The following FBXL2 variants were observed in gnomAD, a reference collection of about 807,000 sequenced individuals.
The protein encoded by FBXL2 is F-box and leucine rich repeat protein 2.
A neutral mutation model predicts 69.2 loss-of-function variants in FBXL2; 38 were observed. The observed-to-expected ratio is 0.55, with a 90% CI of 0.42 to 0.72. The LOEUF (loss-of-function observed/expected upper bound fraction) is 0.72, where lower values mean the gene tolerates loss of function less well. FBXL2 is among the 30% of genes least tolerant of loss of function. The pLI, the probability that FBXL2 is intolerant of heterozygous loss-of-function variation, is 0.00. For synonymous variants in FBXL2, 192 were observed against 201.3 expected (o/e 0.95, Z 0.39); for missense variants, 354 against 520.3 (o/e 0.68, Z 3.11).
At chr3:33,335,945 A>T (rs2125840133) in intron 2 of FBXL2, among the ~76,000 whole-genome samples, 1 of 152,310 alleles carries the variant, frequency 6.6e-6, no homozygotes, top group South Asian at 2.1e-4. Context: ...CAAGTTTAAG[A>T]CCTAAAAAAT....
rs1029946217 is a variant in FBXL2, at chr3:33,317,887, GCAT to G, written c.65+20163_65+20165del. Among the ~76,000 whole-genome samples the G allele has an allele frequency of 2.5e-4, 38 of 152,106 alleles. 1 individual carries two copies. Among genetic ancestry groups the G allele is most frequent in the African/African-American group, 8.7e-4 (36 of 41,430 alleles). ...ATGAAACTCAAAGGAAATCATTGGA[GCAT>G]TTTAGATTTCAGATTTTTGGATTAG... On this transcript the variant is annotated intron_variant, in intron 2 of 14. Transcript: ENST00000484457.
chr3:33,329,872 G>A (rs576489761), intron 2 of FBXL2, among the ~76,000 whole-genome samples: 1 of 152,264 alleles, frequency 6.6e-6, no homozygotes, highest in South Asian at 2.1e-4. Context: ...CTACTTGGGA[G>A]GCTGAAGTGG....
intron 2 of FBXL2, chr3:33,303,212 T>C (rs1392596960): frequency 2.2e-6 from 1 of 455,650 alleles, no homozygotes; most frequent in South Asian, 1.6e-5. Flanking sequence ...TAAGCATCTA[T>C]GCAGATTTTC....
chr3:33,364,960 C>A (rs1479498188), intron 5 of FBXL2, among the ~76,000 whole-genome samples: 15 of 152,174 alleles, frequency 9.9e-5, no homozygotes, highest in Admixed American at 8.5e-4. Context: ...GTTCTCTCTT[C>A]TGCAAAGTCA....
intron 1 of FBXL2, among the ~76,000 whole-genome samples, chr3:33,285,616 G>C (rs776647703): frequency 6.6e-6 from 1 of 152,154 alleles, no homozygotes; most frequent in Non-Finnish European, 1.5e-5. Flanking sequence ...TGTTCTCCTG[G>C]ATAATATCCT....
intron 2 of FBXL2, among the ~76,000 whole-genome samples, chr3:33,298,852 A>G (rs1165988863): frequency 2.0e-5 from 3 of 151,970 alleles, no homozygotes; most frequent in African/African-American, 7.3e-5. Context: ...CAACAGCAAC[A>G]GAAACCAGAT....
intron 2 of FBXL2, among the ~76,000 whole-genome samples, chr3:33,351,833 T>G (rs2040847311): frequency 6.6e-6 from 1 of 151,916 alleles, no homozygotes. Flanking sequence ...TAAAACCTGC[T>G]TGGAAAAGCA....
At chr3:33,417,734 T>C in the FBXL2 span, among the ~76,000 whole-genome samples, 1 of 152,228 alleles carries the variant, frequency 6.6e-6, no homozygotes, top group Non-Finnish European at 1.5e-5. Context: ...GACAGTATAA[T>C]TTGGCATGCA....
At chr3:33,289,221 A>T (rs1018750191) in intron 1 of FBXL2, among the ~76,000 whole-genome samples, 1 of 152,236 alleles carries the variant, frequency 6.6e-6, no homozygotes, top group Non-Finnish European at 1.5e-5. Context: ...CCTGTTGTGC[A>T]GCATAAAGAG....
intron 12 of FBXL2, among the ~76,000 whole-genome samples, chr3:33,395,269 T>C (rs1400652377): frequency 6.6e-6 from 1 of 152,074 alleles, no homozygotes; most frequent in Non-Finnish European, 1.5e-5. Context: ...CACAAGACAT[T>C]TTTCAGAGCT....
intron 2 of FBXL2, among the ~76,000 whole-genome samples, chr3:33,315,602 G>C (rs568606526): frequency 9.2e-5 from 14 of 152,074 alleles, no homozygotes; most frequent in Non-Finnish European, 1.9e-4. Context: ...ACTCACTTTG[G>C]TGTTCTTCTG....
chr3:33,359,325 A>G lies in FBXL2; in HGVS notation c.163A>G (p.Ile55Val), dbSNP rs771505197. 10 of 1,612,256 alleles carry G rather than the reference A, an allele frequency of 6.2e-6. No individual in the cohort carries two copies. The highest frequency in any genetic ancestry group is 7.6e-6 in the Non-Finnish European group (9 of 1,178,726). ...CCTGGATGGAAGCAACTGGCAAAGA[A>G]TAGATCTTTTTAACTTTCAAACAGA... Reference protein sequence around the residue: ...LALDGSNWQRIDLFNFQTDVE... With the variant: ...LALDGSNWQRVDLFNFQTDVE... Residue 55 changes from isoleucine to valine, a missense_variant, in exon 4 of 15, where the codon ATA becomes GTA. Physicochemically the swap from Ile to Val is conservative, Grantham distance 29 (BLOSUM62 3). Coordinates refer to ENST00000484457, the MANE Select transcript of FBXL2 (RefSeq NM_012157.5).
At chr3:33,291,114 A>G (rs2035178816) in intron 1 of FBXL2, among the ~76,000 whole-genome samples, 1 of 152,112 alleles carries the variant, frequency 6.6e-6, no homozygotes, top group South Asian at 2.1e-4. Context: ...AATTTTCTGT[A>G]GAGACAGTGT....
At position 33,355,210 on chromosome 3, in the gene FBXL2, A is replaced by G. The variant is rs1235740732; in HGVS notation, c.66-3757A>G. On this transcript the variant is annotated intron_variant, in intron 2 of 14. Transcript: ENST00000484457. ...CTTCCAAAGTGCTGGGATTATAGGC[A>G]TGAGCCACCACTCGCTGCCAAAAAA... is the stretch of plus-strand genomic sequence containing the variant. 2.0e-5 allele frequency among the ~76,000 whole-genome samples: 3 copies of G among 152,196 alleles called. No homozygotes were observed. The East Asian group carries it at 5.8e-4, about 29-fold the overall frequency.
At chr3:33,402,389 T>C (rs372311012) in intron 12 of FBXL2, among the ~76,000 whole-genome samples, 2 of 152,166 alleles carry the variant, frequency 1.3e-5, no homozygotes, top group South Asian at 4.1e-4. Context: ...AGCATATCTA[T>C]TGGGAGAGAA....
chr3:33,289,821 G>T, intron 1 of FBXL2: 5 of 982,804 alleles, frequency 5.1e-6, no homozygotes, highest in Non-Finnish European at 6.0e-6. Context: ...TGAAGGTTGG[G>T]GGCAGGGCAG....
chr3:33,361,216 A>T (rs2041606224), intron 4 of FBXL2, among the ~76,000 whole-genome samples: 1 of 151,136 alleles, frequency 6.6e-6, no homozygotes, highest in African/African-American at 2.4e-5. Context: ...TGAACTTTTA[A>T]AGTCAGGCTG....
downstream of FBXL2, among the ~76,000 whole-genome samples, chr3:33,404,395 G>A (rs895281905): frequency 4.6e-5 from 7 of 151,880 alleles, no homozygotes; most frequent in African/African-American, 1.7e-4. Context: ...CTGGGTGACA[G>A]AGCGAGATTC....
chr3:33,284,866 A>G (rs1479016046), intron 1 of FBXL2, among the ~76,000 whole-genome samples: 2 of 151,698 alleles, frequency 1.3e-5, no homozygotes, highest in African/African-American at 4.8e-5. Flanking sequence ...TAGAATTGCA[A>G]CCCCTGCTTT....
Sources: gnomAD v4.1 joint callset for allele counts (sites outside exome capture counted in the v4.1 genomes callset) on GRCh38, gnomAD v4.1.1 for gene constraint, MANE v1.5 for transcripts, NCBI Gene and HGNC (gene_info 2026-07-23, HGNC 2026-07-21) for gene names.